LHFPL3: variants seen among roughly 807,000 people sequenced by gnomAD.
LHFPL3 encodes LHFPL tetraspan subfamily member 3 protein.
A neutral mutation model predicts 19.3 loss-of-function variants in LHFPL3; 5 were observed. That is an observed-to-expected ratio of 0.26 (90% CI 0.14 to 0.54). LHFPL3 has a LOEUF of 0.54. LHFPL3 is among the 20% of genes least tolerant of loss of function. The pLI, the probability that LHFPL3 is intolerant of heterozygous loss-of-function variation, is 0.94. For missense variants in LHFPL3, 249 were observed against 307.4 expected (o/e 0.81, Z 1.42); for synonymous variants, 133 against 126.2 (o/e 1.05, Z -0.36).
intron 1 of LHFPL3, among the ~76,000 whole-genome samples, chr7:104,366,133 G>GA (rs1054941185): frequency 6.6e-6 from 1 of 152,206 alleles, no homozygotes; most frequent in African/African-American, 2.4e-5. Flanking sequence ...TGAGAGCAGA[G>GA]AGCGTTCTTT....
chr7:104,885,636 G>C (rs910017834), intron 2 of LHFPL3, among the ~76,000 whole-genome samples: 3 of 151,956 alleles, frequency 2.0e-5, no homozygotes, highest in African/African-American at 7.3e-5. Context: ...CTCCCAGCCT[G>C]GTCCAAGCCA....
intron 2 of LHFPL3, among the ~76,000 whole-genome samples, chr7:104,820,034 C>A (rs182477056): frequency 1.3e-5 from 2 of 152,168 alleles, no homozygotes; most frequent in African/African-American, 4.8e-5. Flanking sequence ...ACAGTTTGGG[C>A]TCCATGATTA....
At chr7:104,699,780 C>T (rs1031745243) in intron 1 of LHFPL3, among the ~76,000 whole-genome samples, 2 of 152,212 alleles carry the variant, frequency 1.3e-5, no homozygotes, top group African/African-American at 4.8e-5. Flanking sequence ...ATTTAGTTAT[C>T]CTCATAGCTT....
intron 1 of LHFPL3, among the ~76,000 whole-genome samples, chr7:104,509,298 T>C (rs1462220762): frequency 2.6e-5 from 4 of 151,236 alleles, no homozygotes; most frequent in Non-Finnish European, 5.9e-5. Context: ...ACAGAAACTA[T>C]GGACCAACAC....
At chr7:104,803,306 ATATTC>A (rs1257331831) in intron 2 of LHFPL3, 1 of 152,220 alleles carries the variant, frequency 6.6e-6, no homozygotes, top group Non-Finnish European at 1.5e-5. Context: ...CCAGTTTCAA[ATATTC>A]TATTCTATTC....
At chr7:104,334,950 A>G (rs1040433986) in intron 1 of LHFPL3, among the ~76,000 whole-genome samples, 1 of 152,166 alleles carries the variant, frequency 6.6e-6, no homozygotes, top group African/African-American at 2.4e-5. Context: ...TTCAGGAGCA[A>G]TAAAGACAGG....
chr7:104,882,969 A>C (rs1792084535), intron 2 of LHFPL3, among the ~76,000 whole-genome samples: 1 of 152,192 alleles, frequency 6.6e-6, no homozygotes, highest in Admixed American at 6.5e-5. Flanking sequence ...TAAAACCAGA[A>C]AAGTCCTGAG....
intron 2 of LHFPL3, among the ~76,000 whole-genome samples, chr7:104,852,333 A>C (rs146720520): frequency 6.6e-6 from 1 of 152,272 alleles, no homozygotes; most frequent in Non-Finnish European, 1.5e-5. Context: ...CTCAGTGTCC[A>C]GAAATGTGCA....
At chr7:104,521,135 C>A (rs907343688) in intron 1 of LHFPL3, among the ~76,000 whole-genome samples, 20 of 152,108 alleles carry the variant, frequency 1.3e-4, no homozygotes, top group African/African-American at 4.6e-4. Flanking sequence ...CCCAGAGATT[C>A]TGGTATGTTG....
chr7:104,685,144 G>A (rs1338648593), intron 1 of LHFPL3, among the ~76,000 whole-genome samples: 1 of 152,016 alleles, frequency 6.6e-6, no homozygotes, highest in Non-Finnish European at 1.5e-5. Context: ...GTCAAGAGAT[G>A]GAGATCATCC....
Position 104,728,795 on chromosome 7 carries a change from T to C in LHFPL3, c.446-7880T>C, listed in dbSNP as rs551433275. On this transcript the variant is annotated intron_variant, in intron 1 of 2. Transcript: ENST00000424859. ...CATAATAACATAAACCATGTCCCTTTCCTGGTCACTGTATCCCTAGCACCA... is the reference window on the plus strand; with the variant it reads ...CATAATAACATAAACCATGTCCCTTCCCTGGTCACTGTATCCCTAGCACCA... Among the ~76,000 whole-genome samples, 193 of 152,262 alleles carry C rather than the reference T, an allele frequency of 1.3e-3. 1 individual carries two copies. The highest frequency in any genetic ancestry group is 4.5e-3 in the African/African-American group (189 of 41,560).
intron 1 of LHFPL3, among the ~76,000 whole-genome samples, chr7:104,476,365 C>A (rs951827192): frequency 3.3e-5 from 5 of 152,070 alleles, no homozygotes; most frequent in African/African-American, 1.2e-4. Flanking sequence ...GTATGTAAGA[C>A]CCACATGTTG....
intron 1 of LHFPL3, among the ~76,000 whole-genome samples, chr7:104,588,913 C>CTGCT (rs1790643340): frequency 6.6e-6 from 1 of 152,048 alleles, no homozygotes. Context: ...ATTTGGCTCT[C>CTGCT]TGTCTGTTAT....
chr7:104,466,661 T>C (rs1209706532), intron 1 of LHFPL3, among the ~76,000 whole-genome samples: 2 of 152,232 alleles, frequency 1.3e-5, no homozygotes, highest in Non-Finnish European at 2.9e-5. Flanking sequence ...ACTGGCTTTA[T>C]GTTGTTTTTG....
At chr7:104,429,561 C>G (rs1378015998) in intron 1 of LHFPL3, among the ~76,000 whole-genome samples, 1 of 151,816 alleles carries the variant, frequency 6.6e-6, no homozygotes, top group Non-Finnish European at 1.5e-5. Context: ...GATGATCCGC[C>G]TGCCTCAGCC....
intron 1 of LHFPL3, among the ~76,000 whole-genome samples, chr7:104,576,027 A>T (rs1294746433): frequency 6.6e-6 from 1 of 152,106 alleles, no homozygotes; most frequent in African/African-American, 2.4e-5. Flanking sequence ...TATCCTTAGA[A>T]CTGCAGTGCC....
chr7:104,341,410 C>T (rs1014663240), intron 1 of LHFPL3, among the ~76,000 whole-genome samples: 1 of 152,218 alleles, frequency 6.6e-6, no homozygotes, highest in Admixed American at 6.5e-5. Context: ...GCTATGACTA[C>T]ATCTATGACT....
At chr7:104,383,608 T>A (rs1790875315) in intron 1 of LHFPL3, among the ~76,000 whole-genome samples, 1 of 152,244 alleles carries the variant, frequency 6.6e-6, no homozygotes, top group Admixed American at 6.5e-5. Flanking sequence ...AGGAGCAACA[T>A]TTTTAATTGA....
chr7:104,444,175 A>G (rs765043336), intron 1 of LHFPL3, among the ~76,000 whole-genome samples: 2 of 152,220 alleles, frequency 1.3e-5, no homozygotes, highest in Non-Finnish European at 2.9e-5. Flanking sequence ...GCCAGGGGCC[A>G]TTTGTAACCA....
Sources: allele counts gnomAD v4.1 joint callset (sites outside exome capture counted in the v4.1 genomes callset), GRCh38; gene constraint gnomAD v4.1.1; transcripts MANE v1.5; gene names NCBI Gene and HGNC (gene_info 2026-07-23, HGNC 2026-07-21).